Variants in FAT3 observed in about 807,000 individuals in gnomAD.
FAT3 encodes FAT atypical cadherin 3.
A neutral mutation model predicts 310.2 loss-of-function variants in FAT3; 95 were observed. The observed-to-expected ratio is 0.31, with a 90% CI of 0.26 to 0.36. The LOEUF is 0.36. FAT3 is among the 10% of genes least tolerant of loss of function. The pLI is 1.00. For synonymous variants in FAT3, 2,314 were observed against 2,192.9 expected, an observed-to-expected ratio of 1.06 and a Z score of -1.54; for missense variants, 5,408 against 5,715.6, an observed-to-expected ratio of 0.95 and a Z score of 1.74.
chr11:92,671,778 T>C (rs1943135815), intron 3 of FAT3, among the ~76,000 whole-genome samples: 1 of 152,122 alleles, frequency 6.6e-6, no homozygotes, highest in Non-Finnish European at 1.5e-5. Flanking sequence ...TAGATAATAG[T>C]AGTGGCTTAT....
In FAT3 at chr11:92,798,262, C is replaced by T; in HGVS notation, c.5249C>T (p.Ala1750Val). Residue 1750 changes from alanine (A) to valine (V), a missense_variant, in exon 10 of 28, where the codon GCT (alanine) becomes GTT (valine). This residue lies in a region of FAT3 where 4,588 missense variants were observed against 4,809.8 expected (regional missense o/e 0.95). Transcript: ENST00000525166. ...IIQATNMAGM[A>V]SNATVNIQIV... ...CAGGCCACCAATATGGCAGGAATGG[C>T]TTCCAATGCTACAGTCAATATTCAG... is the stretch of plus-strand genomic sequence containing the variant. 1.9e-6 allele frequency: 3 copies of T among 1,613,896 alleles called. No individual in the cohort carries two copies. The highest frequency in any genetic ancestry group is 2.5e-6 in the Non-Finnish European group (3 of 1,179,856).
At position 92,801,041 on chromosome 11, in the gene FAT3, C is replaced by T; in HGVS notation, c.8028C>T (p.Phe2676=). ...AGCTGAAAAATACAGTGCTTTCGTT[C>T]TTTGTCAAAGCAGTAGATGGGGGCA... ...FNQLKNTVLS[F]FVKAVDGGIP... Residue 2676 remains phenylalanine (F), a synonymous_variant, in exon 10 of 28, where the codon TTC becomes TTT. Coordinates refer to ENST00000525166, the MANE Select transcript of FAT3 (RefSeq NM_001367949.2). 1 of 1,613,850 alleles carries T rather than the reference C, an allele frequency of 6.2e-7. No individual in the cohort carries two copies. The highest frequency in any genetic ancestry group is 8.5e-7 in the Non-Finnish European group (1 of 1,179,834).
intron 3 of FAT3, among the ~76,000 whole-genome samples, chr11:92,571,281 A>G (rs1955656764): frequency 6.6e-6 from 1 of 152,144 alleles, no homozygotes; most frequent in Non-Finnish European, 1.5e-5. Context: ...CTGCTTCTTA[A>G]GGATGGCATG....
chr11:92,609,609 A>C (rs1388902620), intron 3 of FAT3, among the ~76,000 whole-genome samples: 1 of 152,234 alleles, frequency 6.6e-6, no homozygotes, highest in Non-Finnish European at 1.5e-5. Context: ...GTATCAAAGC[A>C]AGTTTTGCTA....
chr11:92,386,851 C>T (rs985525613), intron 2 of FAT3, among the ~76,000 whole-genome samples: 6 of 152,202 alleles, frequency 3.9e-5, no homozygotes, highest in African/African-American at 9.7e-5. Flanking sequence ...CATCCCACCA[C>T]GTAAGTGGAC....
chr11:92,550,398 G>T (rs763050313), intron 3 of FAT3, among the ~76,000 whole-genome samples: 1 of 152,198 alleles, frequency 6.6e-6, no homozygotes, highest in Non-Finnish European at 1.5e-5. Context: ...TTATTTTGCA[G>T]AGGATATATC....
At chr11:92,783,892 C>A (rs564009820) in intron 7 of FAT3, among the ~76,000 whole-genome samples, 3 of 152,202 alleles carry the variant, frequency 2.0e-5, no homozygotes, top group Admixed American at 2.0e-4. Context: ...GACCAGGGAT[C>A]TTTATATTTA....
In FAT3 at chr11:92,352,450, A is replaced by G. The variant is rs776807278; in HGVS notation, c.338A>G (p.Asn113Ser). The G allele has an allele frequency of 1.9e-6, 3 of 1,612,562 alleles. No individual in the cohort carries two copies. Among genetic ancestry groups the G allele is most frequent in the South Asian group, 1.1e-5 (1 of 90,238 alleles). ...CFLRIRTKGG[N>S]SAILNREIQD... The stretch of plus-strand genomic sequence containing the variant: ...CTCAGAATAAGAACTAAAGGTGGCA[A>G]TTCTGCCATATTAAATAGGGAAATC... Residue 113 changes from asparagine (N) to serine (S), a missense_variant, in exon 2 of 28, where the codon AAT (asparagine) becomes AGT (serine). Asn to Ser is a conservative substitution (Grantham distance 46, BLOSUM62 1). Around this residue, in one of 5 missense-constraint regions of FAT3, gnomAD observed 152 missense variants for 188.3 expected, o/e 0.81. Coordinates refer to ENST00000525166, the MANE Select transcript of FAT3 (RefSeq NM_001367949.2).
intron 3 of FAT3, among the ~76,000 whole-genome samples, chr11:92,528,830 A>G (rs866214575): frequency 3.9e-5 from 6 of 152,226 alleles, no homozygotes; most frequent in African/African-American, 1.4e-4. Flanking sequence ...CAGGGCTGAC[A>G]TGCCAGTGTT....
In FAT3 at chr11:92,882,969, C is replaced by T. The variant is rs1451299922; in HGVS notation, c.12513C>T (p.Leu4171=). The T allele has an allele frequency of 1.9e-6, 3 of 1,613,796 alleles. No homozygotes were observed. The highest frequency in any genetic ancestry group is 1.1e-5 in the South Asian group (1 of 91,078). The change falls in exon 24 of 28, where the codon CTC becomes CTT. Residue 4171 remains leucine (L), a synonymous_variant. Transcript: ENST00000525166. ...TCGTCATCTTCATCCTGGTGGTTCT[C>T]TTCATAGTCTTCCGCAAGAAGGTCT... ...VLFVIFILVV[L]FIVFRKKVFR...
rs746609537 is a variant in FAT3 at position 92,354,961 on chromosome 11, C to T, written c.2849C>T (p.Pro950Leu). 1 of 1,613,834 alleles carries T rather than the reference C, an allele frequency of 6.2e-7. No homozygotes were observed. Among genetic ancestry groups the T allele is most frequent in the South Asian group, 1.1e-5 (1 of 91,084 alleles). ...AGTGTGAAGGTTCTTGAAGATCTCC[C>T]TGTTGGCACTGTCATTGCTTGGCTT... ...SYSVKVLEDL[P>L]VGTVIAWLET... Residue 950 changes from proline (P) to leucine (L), a missense_variant, in exon 2 of 28, where the codon CCT (proline) becomes CTT (leucine). Pro to Leu is a moderately conservative substitution (Grantham distance 98). Coordinates refer to ENST00000525166, the MANE Select transcript of FAT3 (RefSeq NM_001367949.2).
intron 3 of FAT3, among the ~76,000 whole-genome samples, chr11:92,641,955 G>A (rs1424031145): frequency 1.3e-5 from 2 of 152,218 alleles, no homozygotes; most frequent in Non-Finnish European, 2.9e-5. Context: ...GCAACATGAG[G>A]TTGAAGGGAG....
chr11:92,324,463 G>A (rs944108187), intron 1 of FAT3, among the ~76,000 whole-genome samples: 1 of 152,184 alleles, frequency 6.6e-6, no homozygotes, highest in Non-Finnish European at 1.5e-5. Context: ...CCCGAGGAGA[G>A]GGAGAGAGAT....
Position 92,853,034 on chromosome 11 carries a change from C to T in FAT3, c.11366-4180C>T, listed in dbSNP as rs1336128025. ...TTTGCCTGAGTATTTCTCACACCCACTGGGCTTATTCTGCCCACTCAGCCC... is the reference window on the plus strand; with the variant it reads ...TTTGCCTGAGTATTTCTCACACCCATTGGGCTTATTCTGCCCACTCAGCCC... On this transcript the variant is annotated intron_variant, in intron 19 of 27. Transcript: ENST00000525166. 2.0e-5 allele frequency among the ~76,000 whole-genome samples: 3 copies of T among 152,226 alleles called. No homozygotes were observed. In the East Asian group the frequency reaches 5.8e-4, roughly 29 times the overall value.
At chr11:92,512,246 A>G (rs986002136) in intron 2 of FAT3, among the ~76,000 whole-genome samples, 8 of 152,056 alleles carry the variant, frequency 5.3e-5, no homozygotes, top group South Asian at 2.1e-4. Context: ...CCAAAAGACA[A>G]AATCACAACA....
intron 5 of FAT3, among the ~76,000 whole-genome samples, chr11:92,762,618 C>G (rs1248212627): frequency 1.3e-5 from 2 of 152,090 alleles, no homozygotes; most frequent in African/African-American, 4.8e-5. Flanking sequence ...ATGGATATAG[C>G]TGTGTAAATT....
At chr11:92,347,349 C>T (rs556519608) in intron 1 of FAT3, among the ~76,000 whole-genome samples, 1 of 152,280 alleles carries the variant, frequency 6.6e-6, no homozygotes, top group Non-Finnish European at 1.5e-5. Flanking sequence ...TACAGCCTAA[C>T]ATAGCAAATT....
At chr11:92,869,065 T>A (rs1265428008) in intron 22 of FAT3, among the ~76,000 whole-genome samples, 1 of 152,204 alleles carries the variant, frequency 6.6e-6, no homozygotes, top group Non-Finnish European at 1.5e-5. Context: ...TGATTGGGCA[T>A]TGGATCAGGA....
intron 2 of FAT3, among the ~76,000 whole-genome samples, chr11:92,512,508 A>T (rs968091884): frequency 4.1e-5 from 6 of 145,124 alleles, no homozygotes; most frequent in Admixed American, 2.1e-4. Flanking sequence ...ATCTCAAAAA[A>T]AAATATATAT....
Sources: gnomAD v4.1 joint callset for allele counts (sites outside exome capture counted in the v4.1 genomes callset) on GRCh38, gnomAD v4.1.1 for gene constraint, gnomAD v4.1.1 regional missense constraint, MANE v1.5 for transcripts, NCBI Gene and HGNC (gene_info 2026-07-23, HGNC 2026-07-21) for gene names.